The following MOK variants were observed in gnomAD, a reference collection of about 807,000 sequenced individuals.
MOK encodes the protein MAPK/MAK/MRK overlapping kinase.
Under a neutral mutation model 54.2 loss-of-function variants are expected in MOK, and 59 were observed. The observed-to-expected ratio is 1.09, with a 90% confidence interval of 0.88 to 1.35. MOK has a LOEUF of 1.35. Ranked by LOEUF, MOK falls within the 40% of genes most tolerant of loss-of-function variation. The pLI is 0.00. For synonymous variants in MOK, 210 were observed against 202.7 expected, an observed-to-expected ratio of 1.04 and a Z score of -0.31; for missense variants, 517 against 526.2, an observed-to-expected ratio of 0.98 and a Z score of 0.17.
chr14:102,250,775 G>A (rs376113164), intron 7 of MOK, 37 bp downstream of exon 7: 33 of 1,598,232 alleles, frequency 2.1e-5, no homozygotes, highest in Admixed American at 1.5e-4. Context: ...GCACCGCTCC[G>A]CCGCAGGAAC....
At chr14:102,255,890 C>G (rs746559544) in intron 4 of MOK, among the ~76,000 whole-genome samples, 2 of 152,066 alleles carry the variant, frequency 1.3e-5, no homozygotes, top group Non-Finnish European at 1.5e-5. Context: ...CAAATATTCT[C>G]ATTAAGAAGG....
chr14:102,226,739 A>T (rs1241189015), downstream of MOK, among the ~76,000 whole-genome samples: 2 of 152,150 alleles, frequency 1.3e-5, no homozygotes, highest in Non-Finnish European at 1.5e-5. This position sits in a 1 kb window ranked among gnomAD's most constrained non-coding sequence, Gnocchi z 4.8. Flanking sequence ...CCTTTTCTCC[A>T]AATCTGTAGG....
rs190530845 is a variant in MOK, at chr14:102,294,325, A to G, written c.7+10637T>C. Among the ~76,000 whole-genome samples the G allele has an allele frequency of 3.8e-3, 585 of 152,096 alleles. 5 individuals carry two copies. Among genetic ancestry groups the G allele is most frequent in the Middle Eastern group, 0.01 (3 of 294 alleles). On this transcript the variant is annotated intron_variant, in intron 1 of 11. Coordinates refer to ENST00000361847, the MANE Select transcript of MOK (RefSeq NM_014226.3). ...GCCAGGCGTGGTGGTGGGCACGTGT[A>G]GTCCCAGCTACTCGGGAGGCTGAGG... is the stretch of plus-strand genomic sequence containing the variant.
intron 4 of MOK, among the ~76,000 whole-genome samples, chr14:102,256,648 G>A (rs1300422422): frequency 6.6e-6 from 1 of 150,756 alleles, no homozygotes; most frequent in South Asian, 2.1e-4. Flanking sequence ...TAATCCTCCC[G>A]CCTTGGCCTC....
chr14:102,292,910 G>A (rs899891077), intron 1 of MOK, among the ~76,000 whole-genome samples: 1 of 152,140 alleles, frequency 6.6e-6, no homozygotes, highest in African/African-American at 2.4e-5. Flanking sequence ...GAGGTGGGCA[G>A]ATCACCTGAG....
rs534998313 is a variant in MOK at position 102,290,824 on chromosome 14, G to A, written c.8-7232C>T. Among the ~76,000 whole-genome samples the A allele has an allele frequency of 9.2e-5, 14 of 152,282 alleles. No individual in the cohort carries two copies. The South Asian group carries it at 2.9e-3, about 32-fold the overall frequency. ...TTAAATACGGCAAAATGTGTTTGCA[G>A]AATTCCTCAATGCCTTTCCCTGCAT... is the stretch of plus-strand genomic sequence containing the variant. On this transcript the variant is annotated intron_variant, in intron 1 of 11. Coordinates refer to ENST00000361847, the MANE Select transcript of MOK (RefSeq NM_014226.3).
chr14:102,303,986 G>A (rs561488999), intron 1 of MOK, among the ~76,000 whole-genome samples: 2 of 152,342 alleles, frequency 1.3e-5, no homozygotes, highest in South Asian at 4.1e-4. Flanking sequence ...AAGTAAAAGT[G>A]TAAAGTCTTT....
At chr14:102,280,393 T>C (rs1445211812) in intron 2 of MOK, among the ~76,000 whole-genome samples, 1 of 152,074 alleles carries the variant, frequency 6.6e-6, no homozygotes, top group Non-Finnish European at 1.5e-5. Context: ...AATTTTTTCA[T>C]GGAGGCAGAG....
intron 2 of MOK, among the ~76,000 whole-genome samples, chr14:102,266,640 T>C (rs1444769724): frequency 6.6e-6 from 1 of 152,152 alleles, no homozygotes; most frequent in African/African-American, 2.4e-5. Flanking sequence ...TGGAGTGCAA[T>C]GGTGTGATCT....
downstream of MOK, among the ~76,000 whole-genome samples, chr14:102,228,294 C>G (rs1290510544): frequency 6.6e-6 from 1 of 152,248 alleles, no homozygotes; most frequent in Non-Finnish European, 1.5e-5. Context: ...ACCCTTCAGG[C>G]CTGCCCTGTG....
downstream of MOK, chr14:102,225,207 T>C (rs2064195862): frequency 5.1e-6 from 1 of 195,744 alleles, no homozygotes; most frequent in East Asian, 1.5e-4. Context: ...ATCACACGTG[T>C]GTGCCACCAT....
Position 102,231,271 on chromosome 14 carries a change from G to A in MOK, c.981+436C>T, listed in dbSNP as rs987239165. The A allele has an allele frequency of 1.9e-5, 3 of 156,002 alleles. No individual in the cohort carries two copies. Among genetic ancestry groups the A allele is most frequent in the Non-Finnish European group, 4.2e-5 (3 of 70,736 alleles). The allele number at this position is 156,002 out of a possible 1,614,324, so 9.7% of individuals were successfully genotyped here. A position where few individuals can be genotyped will look rare whatever the true frequency, so the allele number is the denominator to read the frequency against. ...CGAAGTGCTCATCTGGAGCCAGGCA[G>A]AGACAGTGACTTGAGACCTGTCACT... On this transcript the variant is annotated intron_variant, in intron 10 of 11. Transcript: ENST00000361847. The surrounding 1 kb of genome is among the most constrained non-coding windows in gnomAD (Gnocchi z 4.4).
In MOK at chr14:102,236,976, TTC is replaced by T. The variant is rs968277084; in HGVS notation, c.591-3189_591-3188del. 2.0e-5 allele frequency among the ~76,000 whole-genome samples: 3 copies of T among 152,096 alleles called. No individual in the cohort carries two copies. The highest frequency in any genetic ancestry group is 4.4e-5 in the Non-Finnish European group (3 of 68,018). ...CCCATAGTCCCTAACCCCTCTACAC[TTC>T]TCTGTCTCATTCCCTCCAACACCAC... On this transcript the variant is annotated intron_variant, in intron 7 of 11. Transcript: ENST00000361847. This position sits in a 1 kb window ranked among gnomAD's most constrained non-coding sequence, Gnocchi z 4.5.
At chr14:102,239,011 G>A (rs1197102585) in intron 7 of MOK, among the ~76,000 whole-genome samples, 1 of 152,154 alleles carries the variant, frequency 6.6e-6, no homozygotes. Context: ...GGTGGGTGGA[G>A]GCATTTCCTA....
At position 102,286,814 on chromosome 14, in the gene MOK, G is replaced by A. The variant is rs149183161; in HGVS notation, c.8-3222C>T. ...AGTCCCAACTATTTGAGAGGCTGACGCAGGAGAATCACTTCAACCAGGGAA... is the reference window on the plus strand; with the variant it reads ...AGTCCCAACTATTTGAGAGGCTGACACAGGAGAATCACTTCAACCAGGGAA... On this transcript the variant is annotated intron_variant, in intron 1 of 11. Coordinates refer to ENST00000361847, the MANE Select transcript of MOK (RefSeq NM_014226.3). Among the ~76,000 whole-genome samples the A allele has an allele frequency of 7.1e-3, 1,071 of 151,892 alleles. 15 individuals are homozygous for A. Among genetic ancestry groups the A allele is most frequent in the African/African-American group, 0.024 (1,006 of 41,444 alleles).
intron 8 of MOK, 132 bp downstream of exon 8, chr14:102,233,556 G>A (rs946248283): frequency 2.0e-5 from 14 of 689,810 alleles, no homozygotes; most frequent in Non-Finnish European, 3.3e-5. Context: ...GCCCTCAAGT[G>A]AACTTGAACC....
intron 2 of MOK, among the ~76,000 whole-genome samples, chr14:102,269,414 A>C (rs576251795): frequency 2.0e-5 from 3 of 149,904 alleles, no homozygotes; most frequent in African/African-American, 7.4e-5. Context: ...TCGACCCCCA[A>C]CCTGAGGTGA....
intron 2 of MOK, among the ~76,000 whole-genome samples, chr14:102,281,564 A>G (rs909793597): frequency 6.6e-6 from 1 of 150,864 alleles, no homozygotes; most frequent in African/African-American, 2.4e-5. Context: ...TGTACTGGCA[A>G]CTTTGGGTCA....
chr14:102,246,337 C>T (rs2066090935), intron 7 of MOK: 1 of 152,148 alleles, frequency 6.6e-6, no homozygotes, highest in African/African-American at 2.4e-5. Flanking sequence ...TCTTCCAAGG[C>T]TCTCTCTGTG....
Sources: gnomAD v4.1 joint callset for allele counts (sites outside exome capture counted in the v4.1 genomes callset) on GRCh38, gnomAD v4.1.1 for gene constraint, Gnocchi (gnomAD v3.1) non-coding constraint, MANE v1.5 for transcripts, NCBI Gene and HGNC (gene_info 2026-07-23, HGNC 2026-07-21) for gene names.